The following TANC1 variants were observed in gnomAD, a reference collection of about 807,000 sequenced individuals.
TANC1 encodes protein TANC1.
A neutral mutation model predicts 149.7 loss-of-function variants in TANC1; 77 were observed. The ratio of observed to expected loss-of-function variants is 0.51; its 90% CI spans 0.43 to 0.62. TANC1 has a LOEUF of 0.62. Ranked by LOEUF, TANC1 falls within the 20% of genes least tolerant of loss-of-function variation. The pLI is 0.00. For missense variants in TANC1, 1,985 were observed against 2,321.8 expected (o/e 0.85, Z 2.98); for synonymous variants, 854 against 925.0 (o/e 0.92, Z 1.39).
At chr2:158,970,573 C>G (rs2032715989) in intron 1 of TANC1, among the ~76,000 whole-genome samples, 1 of 152,124 alleles carries the variant, frequency 6.6e-6, no homozygotes, top group African/African-American at 2.4e-5. Context: ...AGCCAGAATG[C>G]TTGGTGAGTG....
intron 11 of TANC1, 59 bp downstream of exon 11, chr2:159,172,331 T>A: frequency 6.4e-7 from 1 of 1,550,412 alleles, no homozygotes; most frequent in East Asian, 2.3e-5. Flanking sequence ...GTTTGGTTTC[T>A]GAGAAGTAGA....
chr2:158,988,254 G>T (rs1369355785), intron 1 of TANC1, among the ~76,000 whole-genome samples: 2 of 151,156 alleles, frequency 1.3e-5, no homozygotes, highest in African/African-American at 4.9e-5. Flanking sequence ...TGAACCCCGG[G>T]AGGTGGAGGT....
chr2:158,983,952 T>C (rs748953105), intron 1 of TANC1, among the ~76,000 whole-genome samples: 4 of 152,242 alleles, frequency 2.6e-5, no homozygotes, highest in Admixed American at 6.5e-5. Flanking sequence ...TTGCCATTTA[T>C]GGGTAAACCA....
intron 4 of TANC1, among the ~76,000 whole-genome samples, chr2:159,121,838 G>T (rs1183047089): frequency 6.6e-6 from 1 of 152,214 alleles, no homozygotes; most frequent in East Asian, 1.9e-4. Context: ...CACAGCTATG[G>T]AAAGATACTG....
intron 2 of TANC1, among the ~76,000 whole-genome samples, chr2:159,065,237 A>T (rs1325061758): frequency 1.3e-5 from 2 of 152,160 alleles, no homozygotes; most frequent in Non-Finnish European, 2.9e-5. Flanking sequence ...TCTTTAAAGG[A>T]TCTGGCCGTA....
rs979125372 is a variant in TANC1, at chr2:159,206,911, G to A, written c.3244+7858G>A. Among the ~76,000 whole-genome samples, 13 of 152,198 alleles carry A rather than the reference G, an allele frequency of 8.5e-5. No individual in the cohort carries two copies. In the East Asian group the frequency reaches 9.6e-4, roughly 11 times the overall value. ...GTGTGTAACCCAGCCTTCCACATGC[G>A]AACATTCTCAGCACACTTTAGAAGT... On this transcript the variant is annotated intron_variant, in intron 19 of 26. Coordinates refer to ENST00000263635, the MANE Select transcript of TANC1 (RefSeq NM_033394.3).
intron 1 of TANC1, among the ~76,000 whole-genome samples, chr2:158,980,228 T>C (rs999246699): frequency 6.6e-6 from 1 of 152,156 alleles, no homozygotes; most frequent in African/African-American, 2.4e-5. Flanking sequence ...ATTATAAATA[T>C]CCTGGAAGGG....
intron 19 of TANC1, among the ~76,000 whole-genome samples, chr2:159,205,280 C>T (rs2058524704): frequency 6.6e-6 from 1 of 152,110 alleles, no homozygotes; most frequent in African/African-American, 2.4e-5. Flanking sequence ...GAGCTGGATG[C>T]CTAATTACTG....
intron 2 of TANC1, among the ~76,000 whole-genome samples, chr2:159,051,524 G>GT (rs2041462333): frequency 6.6e-6 from 1 of 152,156 alleles, no homozygotes; most frequent in African/African-American, 2.4e-5. Context: ...TACATGGCGC[G>GT]TAACATACCT....
intron 2 of TANC1, among the ~76,000 whole-genome samples, chr2:159,057,424 C>T (rs771125830): frequency 2.6e-5 from 4 of 152,170 alleles, no homozygotes; most frequent in African/African-American, 7.2e-5. Context: ...AGGGTAGCAA[C>T]GTACAGATGT....
At chr2:159,026,728 G>C (rs2039376629) in intron 2 of TANC1, among the ~76,000 whole-genome samples, 2 of 151,944 alleles carry the variant, frequency 1.3e-5, no homozygotes, top group African/African-American at 4.8e-5. Flanking sequence ...AGCTGCACTT[G>C]GGGTCGCTTG....
intron 3 of TANC1, among the ~76,000 whole-genome samples, chr2:159,079,413 G>A (rs1403395074): frequency 7.6e-6 from 1 of 131,558 alleles, no homozygotes; most frequent in Non-Finnish European, 1.5e-5. Context: ...TTTATAAACA[G>A]TTACATCATC....
At chr2:159,163,147 T>A (rs796838317) in intron 7 of TANC1, 136 bp from the exon 8 acceptor site, 5 of 852,498 alleles carry the variant, frequency 5.9e-6, no homozygotes, top group Non-Finnish European at 9.0e-6. Flanking sequence ...ATACATTGTA[T>A]GGAACATACT....
intron 1 of TANC1, among the ~76,000 whole-genome samples, chr2:158,989,939 G>A (rs574228471): frequency 2.7e-5 from 4 of 149,068 alleles, no homozygotes; most frequent in African/African-American, 4.9e-5. Flanking sequence ...TTTTGGAGAC[G>A]GATTCTCGCA....
chr2:159,065,980 G>GC lies in TANC1; in HGVS notation c.61+10dup. ...AGGCAAGAAGGAAGCAGGTATGTGTGCAAGAATGAGAAGCTCAGCCATGGA... is the reference window on the plus strand; with the variant it reads ...AGGCAAGAAGGAAGCAGGTATGTGTGCCAAGAATGAGAAGCTCAGCCATGGA... On this transcript the variant is annotated intron_variant, in intron 3 of 26. Coordinates refer to ENST00000263635, the MANE Select transcript of TANC1 (RefSeq NM_033394.3). 1 of 1,608,082 alleles carries GC rather than the reference G, an allele frequency of 6.2e-7. No individual in the cohort carries two copies. Among genetic ancestry groups the GC allele is most frequent in the Non-Finnish European group, 8.5e-7 (1 of 1,174,484 alleles).
intron 3 of TANC1, among the ~76,000 whole-genome samples, chr2:159,079,575 G>A (rs2044053563): frequency 6.6e-6 from 1 of 152,032 alleles, no homozygotes; most frequent in Non-Finnish European, 1.5e-5. Context: ...CTATACAATG[G>A]GGATAATAAC....
intron 2 of TANC1, among the ~76,000 whole-genome samples, chr2:159,064,142 T>C (rs536382800): frequency 1.1e-4 from 16 of 152,352 alleles, no homozygotes; most frequent in African/African-American, 3.8e-4. Context: ...TATTAACTTT[T>C]ACTACCATTT....
At chr2:158,996,635 T>C (rs746063137) in intron 1 of TANC1, among the ~76,000 whole-genome samples, 11 of 152,228 alleles carry the variant, frequency 7.2e-5, no homozygotes, top group Non-Finnish European at 1.5e-4. Context: ...ATTGAATGAC[T>C]TCCAGCAATT....
At chr2:159,156,034 A>G (rs2053397522) in intron 7 of TANC1, among the ~76,000 whole-genome samples, 2 of 152,216 alleles carry the variant, frequency 1.3e-5, no homozygotes. Flanking sequence ...GGAGATAATC[A>G]GATGCAGAGG....
Sources: allele counts gnomAD v4.1 joint callset (sites outside exome capture counted in the v4.1 genomes callset), GRCh38; gene constraint gnomAD v4.1.1; transcripts MANE v1.5; gene names NCBI Gene and HGNC (gene_info 2026-07-23, HGNC 2026-07-21).